MAGI2: variants seen among roughly 807,000 people sequenced by gnomAD.
The protein encoded by MAGI2 is membrane-associated guanylate kinase, WW and PDZ domain-containing protein 2.
MAGI2 carries 35 observed loss-of-function variants against 133.3 expected under a neutral mutation model. The observed-to-expected ratio is 0.26, with a 90% confidence interval of 0.20 to 0.35. The LOEUF is 0.35. Among genes scored for constraint, MAGI2 ranks in the 10% least tolerant of loss-of-function variants. The pLI is 1.00. For missense variants in MAGI2, 1,636 were observed against 1,863.4 expected, an observed-to-expected ratio of 0.88 and a Z score of 2.25; for synonymous variants, 729 against 710.6, an observed-to-expected ratio of 1.03 and a Z score of -0.41.
At chr7:78,331,198 T>C (rs2691532) in intron 9 of MAGI2, among the ~76,000 whole-genome samples, 76,794 of 151,794 alleles carry the variant, frequency 0.51, 19,726 homozygotes, top group Middle Eastern at 0.55. Flanking sequence ...TAACAGACAC[T>C]AGGGACTACT....
At chr7:78,180,585 T>A (rs145270642) in intron 13 of MAGI2, among the ~76,000 whole-genome samples, 383 of 152,300 alleles carry the variant, frequency 2.5e-3, no homozygotes, top group African/African-American at 8.5e-3. Flanking sequence ...TAAGGCATTT[T>A]TTCTCCTCTT....
chr7:78,061,534 A>G (rs1158259257), intron 21 of MAGI2, among the ~76,000 whole-genome samples: 1 of 152,068 alleles, frequency 6.6e-6, no homozygotes, highest in Admixed American at 6.6e-5. Context: ...GTGATTCAAG[A>G]GGAGGAATAT....
At chr7:78,809,853 GATTT>G (rs1407567768) in intron 2 of MAGI2, among the ~76,000 whole-genome samples, 1 of 152,084 alleles carries the variant, frequency 6.6e-6, no homozygotes, top group Non-Finnish European at 1.5e-5. Flanking sequence ...TCAGAAATAT[GATTT>G]TCAATCTAAA....
At position 78,295,281 on chromosome 7, in the gene MAGI2, T is replaced by TATCTA. The variant is rs1797114949; in HGVS notation, c.1409-38705_1409-38701dup. On this transcript the variant is annotated intron_variant, in intron 9 of 21. Transcript: ENST00000354212. ...TTTCTTTTCAGCTGCTTCCGCCTTA[T>TATCTA]ATCTATATGTTGTGGTCTACTTTGG... Among the ~76,000 whole-genome samples, 7 of 152,192 alleles carry TATCTA rather than the reference T, an allele frequency of 4.6e-5. 1 individual carries two copies. In the South Asian group the frequency reaches 1.4e-3, roughly 32 times the overall value.
chr7:79,206,212 A>T (rs1270667690), intron 1 of MAGI2, among the ~76,000 whole-genome samples: 1 of 151,666 alleles, frequency 6.6e-6, no homozygotes, highest in African/African-American at 2.4e-5. Flanking sequence ...AGTAAAAAAA[A>T]AAATGAAATA....
intron 20 of MAGI2, among the ~76,000 whole-genome samples, chr7:78,092,116 C>T (rs1252114033): frequency 6.6e-6 from 1 of 152,090 alleles, no homozygotes; most frequent in Non-Finnish European, 1.5e-5. Context: ...GTCCTTGTGC[C>T]CAATTTTAAC....
At chr7:79,198,957 C>A (rs1828347070) in intron 1 of MAGI2, among the ~76,000 whole-genome samples, 1 of 151,634 alleles carries the variant, frequency 6.6e-6, no homozygotes, top group Non-Finnish European at 1.5e-5. Context: ...AGGTACAGAG[C>A]CTACCAGCTT....
chr7:78,955,744 T>C (rs561834975), intron 2 of MAGI2, among the ~76,000 whole-genome samples: 7 of 66,628 alleles, frequency 1.1e-4, no homozygotes, highest in East Asian at 4.2e-4. Context: ...TTTCTTTCTT[T>C]CTTTCTTTCT....
intron 15 of MAGI2, among the ~76,000 whole-genome samples, chr7:78,166,783 A>T (rs1017450183): frequency 6.6e-6 from 1 of 152,116 alleles, no homozygotes; most frequent in Non-Finnish European, 1.5e-5. Context: ...AGGGAGTGAC[A>T]TTTGCTAAGT....
chr7:79,415,883 C>T (rs1375128529), intron 1 of MAGI2, among the ~76,000 whole-genome samples: 2 of 152,074 alleles, frequency 1.3e-5, no homozygotes, highest in Non-Finnish European at 2.9e-5. Flanking sequence ...CAGTACAGGA[C>T]AGAACTGGCC....
At chr7:78,203,149 A>T (rs1829425323) in intron 10 of MAGI2, among the ~76,000 whole-genome samples, 1 of 152,202 alleles carries the variant, frequency 6.6e-6, no homozygotes, top group Non-Finnish European at 1.5e-5. Context: ...CACCATGTCA[A>T]AATATTCAAT....
At chr7:78,197,281 A>G (rs1357948366) in intron 11 of MAGI2, among the ~76,000 whole-genome samples, 2 of 152,216 alleles carry the variant, frequency 1.3e-5, no homozygotes, top group East Asian at 3.8e-4. Flanking sequence ...ATGTGGATGC[A>G]TTCTAGCTGT....
intron 1 of MAGI2, among the ~76,000 whole-genome samples, chr7:79,034,917 A>G (rs532656444): frequency 6.6e-6 from 1 of 152,374 alleles, no homozygotes; most frequent in African/African-American, 2.4e-5. Flanking sequence ...GAATTTCTTA[A>G]TAACGAATTA....
intron 14 of MAGI2, chr7:78,170,330 T>A (rs1825994446): frequency 3.3e-5 from 5 of 152,208 alleles, no homozygotes; most frequent in Admixed American, 3.3e-4. Flanking sequence ...TACAGCAACA[T>A]TTACAGATAC....
At chr7:79,228,656 C>T (rs141470080) in intron 1 of MAGI2, among the ~76,000 whole-genome samples, 3 of 152,032 alleles carry the variant, frequency 2.0e-5, no homozygotes, top group East Asian at 3.9e-4. Context: ...TGCATAGAAG[C>T]GTAAGTCAGA....
intron 9 of MAGI2, among the ~76,000 whole-genome samples, chr7:78,317,338 A>G (rs1163340041): frequency 6.6e-6 from 1 of 152,232 alleles, no homozygotes; most frequent in Admixed American, 6.5e-5. Flanking sequence ...GAGAATATGG[A>G]TGATTAAATA....
At chr7:78,638,823 A>G (rs1809959629) in intron 2 of MAGI2, among the ~76,000 whole-genome samples, 1 of 152,182 alleles carries the variant, frequency 6.6e-6, no homozygotes, top group Non-Finnish European at 1.5e-5. Flanking sequence ...TTTAATTTAG[A>G]TATGTTCTAT....
intron 6 of MAGI2, among the ~76,000 whole-genome samples, chr7:78,482,664 A>T (rs913056146): frequency 2.0e-5 from 3 of 151,934 alleles, no homozygotes; most frequent in African/African-American, 7.2e-5. Context: ...GTTTACACAC[A>T]TTGTGATTCC....
At chr7:78,034,568 C>T (rs1157714867) in intron 21 of MAGI2, among the ~76,000 whole-genome samples, 2 of 152,126 alleles carry the variant, frequency 1.3e-5, no homozygotes, top group East Asian at 3.9e-4. Context: ...CGCTCTGTCA[C>T]CCAGGCTGGA....
Sources: allele counts gnomAD v4.1 joint callset (sites outside exome capture counted in the v4.1 genomes callset), GRCh38; gene constraint gnomAD v4.1.1; transcripts MANE v1.5; gene names NCBI Gene and HGNC (gene_info 2026-07-23, HGNC 2026-07-21).